The following PCDHGB2 variants were observed in gnomAD, a reference collection of about 807,000 sequenced individuals.
PCDHGB2 encodes protocadherin gamma-B2.
Under a neutral mutation model 59.3 loss-of-function variants are expected in PCDHGB2, and 55 were observed. The observed-to-expected ratio is 0.93, with a 90% CI of 0.75 to 1.16. The LOEUF is 1.16. Ranked by LOEUF, PCDHGB2 falls within the 50% of genes most tolerant of loss-of-function variation. PCDHGB2 has a pLI of 0.00. For synonymous variants in PCDHGB2, 516 were observed against 512.0 expected (o/e 1.01, Z -0.11); for missense variants, 1,228 against 1,198.5 (o/e 1.02, Z -0.36).
chr5:141,428,061 G>A (rs755817800), intron 1 of PCDHGB2: 1 of 1,609,154 alleles, frequency 6.2e-7, no homozygotes, highest in South Asian at 1.1e-5. Flanking sequence ...GGTGGCGGTG[G>A]ACGCAGATTC....
At chr5:141,497,079 C>T (rs564690352) in intron 2 of PCDHGB2, among the ~76,000 whole-genome samples, 2 of 151,982 alleles carry the variant, frequency 1.3e-5, no homozygotes, top group African/African-American at 4.8e-5. Flanking sequence ...ATCCCAGCGA[C>T]TTAGGAGGCT....
intron 1 of PCDHGB2, chr5:141,388,897 A>G (rs768114504): frequency 6.2e-7 from 1 of 1,613,994 alleles, no homozygotes; most frequent in Non-Finnish European, 8.5e-7. Context: ...GTCATAGATG[A>G]AAATGACAAC....
chr5:141,386,365 A>G (rs1014338903), intron 1 of PCDHGB2, among the ~76,000 whole-genome samples: 2 of 152,278 alleles, frequency 1.3e-5, no homozygotes. Flanking sequence ...GATTCCAGAG[A>G]CCTTTGAGTA....
intron 1 of PCDHGB2, among the ~76,000 whole-genome samples, chr5:141,386,342 A>C (rs1000567568): frequency 2.0e-5 from 3 of 152,226 alleles, no homozygotes; most frequent in Non-Finnish European, 2.9e-5. Context: ...GGGGTGGATG[A>C]CAAGGTAATC....
Position 141,362,490 on chromosome 5 carries a change from C to T in PCDHGB2, c.2355C>T (p.Ala785=). ...CGCAAGATCTCGTCTGTGACAATGCCTCTTGGGAACAAAATACAAATCATG... is the reference window on the plus strand; with the variant it reads ...CGCAAGATCTCGTCTGTGACAATGCTTCTTGGGAACAAAATACAAATCATG... ...VPAQDLVCDN[A]SWEQNTNHGA... The change falls in exon 1 of 4, where the codon GCC becomes GCT. Residue 785 remains alanine (A), a synonymous_variant. Transcript: ENST00000522605. The T allele has an allele frequency of 6.2e-7, 1 of 1,614,048 alleles. No homozygotes were observed. The highest frequency in any genetic ancestry group is 8.5e-7 in the Non-Finnish European group (1 of 1,179,898).
intron 1 of PCDHGB2, among the ~76,000 whole-genome samples, chr5:141,459,184 G>GC (rs2098963022): frequency 6.6e-6 from 1 of 152,134 alleles, no homozygotes; most frequent in South Asian, 2.1e-4. Flanking sequence ...GTTCCCTCAT[G>GC]CCCCTTTGCA....
intron 1 of PCDHGB2, among the ~76,000 whole-genome samples, chr5:141,457,822 C>A (rs1477393535): frequency 6.6e-6 from 1 of 152,178 alleles, no homozygotes; most frequent in Non-Finnish European, 1.5e-5. Context: ...AAGATAAACT[C>A]AGAGCTTCCA....
At chr5:141,417,712 C>T in intron 1 of PCDHGB2, 1 of 1,270,436 alleles carries the variant, frequency 7.9e-7, no homozygotes, top group Non-Finnish European at 1.1e-6. Context: ...ACAGAGGCTC[C>T]CGGCTGCGCA....
chr5:141,426,772 C>T, intron 1 of PCDHGB2: 1 of 456,686 alleles, frequency 2.2e-6, no homozygotes, highest in South Asian at 1.5e-5. Context: ...GATGTAGGGC[C>T]TCACTCTCTC....
intron 1 of PCDHGB2, chr5:141,423,251 A>T: frequency 6.2e-7 from 1 of 1,613,844 alleles, no homozygotes; most frequent in East Asian, 2.2e-5. Context: ...GTCCTGGCGG[A>T]CCTCGGCAGC....
chr5:141,361,618 G>T lies in PCDHGB2; in HGVS notation c.1483G>T (p.Asp495Tyr), dbSNP rs372928108. Residue 495 changes from aspartate to tyrosine, a missense_variant, in exon 1 of 4, where the codon GAC becomes TAC. Asp to Tyr is a radical substitution (Grantham distance 160). Transcript: ENST00000522605. ...AGTTTCCTACTCCATCGTAGCGAGC[G>T]ACCTGAAGCCGCGGGAGATTTTATC... The part of the protein sequence containing the change: ...GQVSYSIVAS[D>Y]LKPREILSYV... 63 of 1,613,956 alleles carry T rather than the reference G, an allele frequency of 3.9e-5. No individual in the cohort carries two copies. The African/African-American group carries it at 4.1e-4, about 11-fold the overall frequency.
chr5:141,440,330 G>A (rs1377511406), intron 1 of PCDHGB2: 1 of 152,162 alleles, frequency 6.6e-6, no homozygotes, highest in Non-Finnish European at 1.5e-5. Context: ...ACTGGGCATG[G>A]TGGTGCAGGC....
rs779191558 is a variant in PCDHGB2 at position 141,491,465 on chromosome 5, A to T, written c.2422-3342A>T. 3.1e-6 allele frequency: 5 copies of T among 1,614,092 alleles called. No homozygotes were observed. Among genetic ancestry groups the T allele is most frequent in the Non-Finnish European group, 4.2e-6 (5 of 1,180,010 alleles). On this transcript the variant is annotated intron_variant, in intron 1 of 3. Transcript: ENST00000522605. The surrounding 1 kb of genome is among the most constrained non-coding windows in gnomAD (Gnocchi z 6.9). ...CAGGACTCACCCTCCCCGGACTTCT[A>T]TAAGCAGTCCAGCCCCAACCTGCAG... is the stretch of plus-strand genomic sequence containing the variant.
At position 141,414,787 on chromosome 5, in the gene PCDHGB2, G is replaced by C. The variant is rs372484037; in HGVS notation, c.2421+52231G>C. ...TCATGAGCTACAGATGCAGGTGACA[G>C]CCAGCGACAGCGGGGATCCTCCACT... On this transcript the variant is annotated intron_variant, in intron 1 of 3. Coordinates refer to ENST00000522605, the MANE Select transcript of PCDHGB2 (RefSeq NM_018923.3). 12 of 1,614,230 alleles carry C rather than the reference G, an allele frequency of 7.4e-6. No homozygotes were observed. The highest frequency in any genetic ancestry group is 2.2e-5 in the East Asian group (1 of 44,874).
chr5:141,375,055 G>A, intron 1 of PCDHGB2: 1 of 1,614,042 alleles, frequency 6.2e-7, no homozygotes, highest in South Asian at 1.1e-5. Context: ...CCCGGGATGG[G>A]CCAGGTCTTC....
chr5:141,414,958 G>T, intron 1 of PCDHGB2: 2 of 1,614,024 alleles, frequency 1.2e-6, no homozygotes, highest in East Asian at 2.2e-5. Context: ...GGTGACCAAG[G>T]TGGTGGCGGT....
At chr5:141,469,249 C>T (rs1025813940) in intron 1 of PCDHGB2, among the ~76,000 whole-genome samples, 1 of 152,026 alleles carries the variant, frequency 6.6e-6, no homozygotes, top group Non-Finnish European at 1.5e-5. Flanking sequence ...TGCACTCCAG[C>T]TTGGGCAACA....
chr5:141,423,065 G>C, intron 1 of PCDHGB2: 1 of 1,614,138 alleles, frequency 6.2e-7, no homozygotes, highest in Non-Finnish European at 8.5e-7. Flanking sequence ...CTTAAGGCCA[G>C]CGAGCCGGGA....
intron 1 of PCDHGB2, chr5:141,388,397 A>G (rs375367492): frequency 2.9e-4 from 463 of 1,613,838 alleles, no homozygotes; most frequent in Non-Finnish European, 3.7e-4. Context: ...AGAATTACCA[A>G]CTCAGTCCCA....
Sources: allele counts gnomAD v4.1 joint callset (sites outside exome capture counted in the v4.1 genomes callset), GRCh38; gene constraint gnomAD v4.1.1; non-coding constraint Gnocchi (gnomAD v3.1); transcripts MANE v1.5; gene names NCBI Gene and HGNC (gene_info 2026-07-23, HGNC 2026-07-21).